ATR: variants seen among roughly 807,000 people sequenced by gnomAD.
The protein encoded by ATR is serine/threonine-protein kinase ATR.
A neutral mutation model predicts 305.3 loss-of-function variants in ATR; 142 were observed. That is an observed-to-expected ratio of 0.47 (90% CI 0.41 to 0.53). The LOEUF is 0.53. ATR is among the 20% of genes least tolerant of loss of function. The probability of loss-of-function intolerance (pLI) is 0.00; values close to 1 mark genes in which losing one functional copy is unlikely to be tolerated. For missense variants in ATR, 2,135 were observed against 3,133.1 expected, an observed-to-expected ratio of 0.68 and a Z score of 7.60; for synonymous variants, 1,050 against 1,068.1, an observed-to-expected ratio of 0.98 and a Z score of 0.33.
intron 22 of ATR, among the ~76,000 whole-genome samples, 163 bp downstream of exon 22, chr3:142,523,830 A>G (rs568219017): frequency 1.6e-4 from 24 of 152,354 alleles, no homozygotes; most frequent in Non-Finnish European, 2.6e-4. Flanking sequence ...TTTTGGCTAA[A>G]GGTTTCTGCA....
chr3:142,551,001 G>A (rs1293737182), intron 13 of ATR, among the ~76,000 whole-genome samples: 1 of 152,104 alleles, frequency 6.6e-6, no homozygotes, highest in Non-Finnish European at 1.5e-5. Flanking sequence ...TAGCAAGGCT[G>A]GTCTCAAACT....
At chr3:142,563,462 T>C (rs573491476) in intron 3 of ATR, among the ~76,000 whole-genome samples, 2 of 152,372 alleles carry the variant, frequency 1.3e-5, no homozygotes, top group Admixed American at 1.3e-4. Context: ...TATGGTGATC[T>C]GTGATCAGTG....
At chr3:142,565,696 G>C (rs1435685900) in intron 3 of ATR, among the ~76,000 whole-genome samples, 5 of 118,550 alleles carry the variant, frequency 4.2e-5, no homozygotes, top group Admixed American at 1.2e-4. Context: ...ACCAGTTCAA[G>C]ACCAGCCTGG....
intron 35 of ATR, among the ~76,000 whole-genome samples, chr3:142,492,158 G>C (rs753656960): frequency 2.6e-5 from 4 of 152,142 alleles, no homozygotes; most frequent in Non-Finnish European, 5.9e-5. Context: ...TATGGATATA[G>C]AGTAGTTTTT....
At chr3:142,514,745 T>C (rs1348800415) in intron 25 of ATR, among the ~76,000 whole-genome samples, 73 of 145,212 alleles carry the variant, frequency 5.0e-4, no homozygotes, top group Non-Finnish European at 5.9e-5. Flanking sequence ...AGGCGGAGAC[T>C]TACAGTGAGC....
chr3:142,477,072 T>G (rs2029889738), intron 36 of ATR, among the ~76,000 whole-genome samples: 1 of 152,198 alleles, frequency 6.6e-6, no homozygotes, highest in South Asian at 2.1e-4. Context: ...TTTTCCTAGT[T>G]GAATGCCCTT....
At chr3:142,529,248 AAATT>A (rs1247353741) in intron 21 of ATR, among the ~76,000 whole-genome samples, 1 of 152,044 alleles carries the variant, frequency 6.6e-6, no homozygotes, top group Admixed American at 6.5e-5. Context: ...GGTAAAATAA[AAATT>A]AAGGTAATTT....
rs769288981 is a variant in ATR at position 142,453,045 on chromosome 3, A to G, written c.7761+83T>C. ...GTATTTCCAAGCAGTTCTCATGCAT[A>G]GAGATGAGAACTATAGCTGCATATC... On this transcript the variant is annotated intron_variant, in intron 46 of 46. Coordinates refer to ENST00000350721, the MANE Select transcript of ATR (RefSeq NM_001184.4). 69 of 1,593,052 alleles carry G rather than the reference A, an allele frequency of 4.3e-5. No homozygotes were observed. The East Asian group carries it at 1.5e-3, about 35-fold the overall frequency.
Position 142,499,691 on chromosome 3 carries a change from C to A in ATR, c.5316G>T (p.Thr1772=), listed in dbSNP as rs146463402. The change falls in exon 31 of 47, where the codon ACG becomes ACT. Residue 1772 remains threonine (T), a synonymous_variant. Transcript: ENST00000350721. ...NRSEWTDELN[T]YRVEAAWKLS... Reference sequence around the variant, plus strand: ...ATTTCCAAGCTGCTTCCACTCTGTACGTGTTTAATTCATCTGTCCACTCGG... The same window carrying A: ...ATTTCCAAGCTGCTTCCACTCTGTAAGTGTTTAATTCATCTGTCCACTCGG... 2 of 1,613,930 alleles carry A rather than the reference C, an allele frequency of 1.2e-6. No individual in the cohort carries two copies. Among genetic ancestry groups the A allele is most frequent in the African/African-American group, 2.7e-5 (2 of 74,926 alleles).
rs540603827 is a variant in ATR, at chr3:142,452,201, G to A, written c.7761+927C>T. On this transcript the variant is annotated intron_variant, in intron 46 of 46. Transcript: ENST00000350721. ...GTCTAGCCTTCCTCGAGCTATATCA[G>A]TAGGATGAAAGTGGACTTAAACTCT... The A allele has an allele frequency of 9.5e-5, 95 of 998,440 alleles. 1 individual carries two copies. The South Asian group carries it at 4.0e-3, about 42-fold the overall frequency. 61.8% of individuals were successfully genotyped at this position (998,440 alleles called of 1,614,324 possible).
chr3:142,537,224 G>C (rs184309999), intron 19 of ATR, among the ~76,000 whole-genome samples: 1 of 144,596 alleles, frequency 6.9e-6, no homozygotes, highest in East Asian at 2.1e-4. Flanking sequence ...CAGTAGCTAG[G>C]ATTACAGGCT....
chr3:142,467,940 A>G lies in ATR; in HGVS notation c.6681T>C (p.Asn2227=). 6.2e-7 allele frequency: 1 copy of G among 1,612,756 alleles called. No homozygotes were observed. The highest frequency in any genetic ancestry group is 8.5e-7 in the Non-Finnish European group (1 of 1,179,374). ...ACTAAGATTATGATAGTACCGGTTT[A>G]TTGCACAATTCTAGAAGCTTATCTG... ...RLTDKLLELC[N]KPVDGSSSTL... The change falls in exon 39 of 47, where the codon AAT becomes AAC. Residue 2227 remains asparagine (N), a synonymous_variant. Coordinates refer to ENST00000350721, the MANE Select transcript of ATR (RefSeq NM_001184.4).
At position 142,469,480 on chromosome 3, in the gene ATR, G is replaced by A. The variant is rs2108279274; in HGVS notation, c.6409C>T (p.Gln2137Ter). 1 of 1,613,598 alleles carries A rather than the reference G, an allele frequency of 6.2e-7. No individual in the cohort carries two copies. The highest frequency in any genetic ancestry group is 8.5e-7 in the Non-Finnish European group (1 of 1,179,628). Reference sequence around the variant, plus strand: ...AATTGTGAAAAAGCAGTCAAAAATTGATATGGAGCTAAATAGTTTGTATGC... The same window carrying A: ...AATTGTGAAAAAGCAGTCAAAAATTAATATGGAGCTAAATAGTTTGTATGC... ...TEHTNYLAPY[Q>*]FLTAFSQLIS... The change falls in exon 38 of 47, where the codon CAA becomes TAA. Residue 2137 changes from glutamine (Q) to a stop codon, truncating the protein, a stop_gained. Coordinates refer to ENST00000350721, the MANE Select transcript of ATR (RefSeq NM_001184.4). LOFTEE classifies it high-confidence loss of function.
chr3:142,488,176 G>GC (rs766046431), intron 35 of ATR, among the ~76,000 whole-genome samples: 18 of 152,124 alleles, frequency 1.2e-4, no homozygotes, highest in Non-Finnish European at 1.9e-4. Context: ...AGTTGACAGT[G>GC]GTGGTGTTTC....
In ATR at chr3:142,470,086, CT is replaced by C; in HGVS notation, c.6318del (p.Ala2107LeufsTer9). The C allele has an allele frequency of 3.1e-6, 5 of 1,599,630 alleles. No homozygotes were observed. The highest frequency in any genetic ancestry group is 1.1e-5 in the South Asian group (1 of 90,580). On this transcript the variant is annotated frameshift_variant and splice_region_variant, in exon 37 of 47. Transcript: ENST00000350721. LOFTEE classifies it high-confidence loss of function. ...AAAACTTTTACGTGAAGAGTTATAC[CT>C]TTTTCCCATTCATATGCCTTTGTAC... Reference protein sequence around the residue: ...DYGTKAYEWEKAGRSDRVQMR... With the variant: ...DYGTKAYEWEXAGRSDRVQMR...
chr3:142,462,697 T>C (rs1359056804), intron 41 of ATR, among the ~76,000 whole-genome samples: 1 of 152,132 alleles, frequency 6.6e-6, no homozygotes. Context: ...CTCGATCTCC[T>C]GACCTAGTGA....
At chr3:142,563,447 T>C (rs1489984701) in intron 3 of ATR, among the ~76,000 whole-genome samples, 1 of 152,224 alleles carries the variant, frequency 6.6e-6, no homozygotes, top group African/African-American at 2.4e-5. Context: ...TATTATCGTA[T>C]CTGTTATGGT....
chr3:142,545,386 G>A (rs1424867111), intron 16 of ATR, among the ~76,000 whole-genome samples: 4 of 152,080 alleles, frequency 2.6e-5, no homozygotes, highest in African/African-American at 9.7e-5. Flanking sequence ...AGACCATCCA[G>A]GGCCTAGGTC....
chr3:142,473,343 T>C (rs2071342780), intron 36 of ATR, among the ~76,000 whole-genome samples: 1 of 152,214 alleles, frequency 6.6e-6, no homozygotes, highest in East Asian at 1.9e-4. Context: ...CAACACCATT[T>C]ATTGAAGAGA....
Sources: gnomAD v4.1 joint callset for allele counts (sites outside exome capture counted in the v4.1 genomes callset) on GRCh38, gnomAD v4.1.1 for gene constraint, MANE v1.5 for transcripts, NCBI Gene and HGNC (gene_info 2026-07-23, HGNC 2026-07-21) for gene names.